Variants in PCDH9 observed in about 807,000 individuals in gnomAD.
PCDH9 encodes protocadherin-9.
In PCDH9, 24 loss-of-function variants were observed where a neutral mutation model predicts 70.6. The observed-to-expected ratio is 0.34, with a 90% CI of 0.25 to 0.48. The LOEUF (loss-of-function observed/expected upper bound fraction) is 0.48. Among genes scored for constraint, PCDH9 ranks in the 20% least tolerant of loss-of-function variants. The pLI is 0.99. For synonymous variants in PCDH9, 562 were observed against 558.5 expected, an observed-to-expected ratio of 1.01 and a Z score of -0.09; for missense variants, 1,281 against 1,503.6, an observed-to-expected ratio of 0.85 and a Z score of 2.45.
intron 2 of PCDH9, among the ~76,000 whole-genome samples, chr13:66,964,945 C>A (rs1196418689): frequency 6.6e-6 from 1 of 151,690 alleles, no homozygotes; most frequent in East Asian, 1.9e-4. Flanking sequence ...TATATATATT[C>A]ATTTACTAGA....
intron 4 of PCDH9, among the ~76,000 whole-genome samples, chr13:66,358,547 A>G (rs1394260530): frequency 6.6e-6 from 1 of 151,976 alleles, no homozygotes; most frequent in Non-Finnish European, 1.5e-5. Context: ...TCATCTACGG[A>G]AAACTTTTTT....
At chr13:67,067,932 T>C (rs2085683164) in intron 2 of PCDH9, among the ~76,000 whole-genome samples, 1 of 152,188 alleles carries the variant, frequency 6.6e-6, no homozygotes. Flanking sequence ...TCAAAGTTCA[T>C]AATTCTTTAT....
At chr13:66,578,627 T>C (rs893049940) in intron 4 of PCDH9, among the ~76,000 whole-genome samples, 2 of 152,068 alleles carry the variant, frequency 1.3e-5, no homozygotes, top group Non-Finnish European at 2.9e-5. Context: ...AGAACAAATG[T>C]ACAGCACTAG....
chr13:66,404,012 T>C (rs988364002), intron 4 of PCDH9, among the ~76,000 whole-genome samples: 1 of 152,180 alleles, frequency 6.6e-6, no homozygotes, highest in Non-Finnish European at 1.5e-5. Context: ...TACTGAAATG[T>C]CTGCAACACG....
At chr13:66,805,748 T>C (rs1298336147) in intron 3 of PCDH9, among the ~76,000 whole-genome samples, 1 of 152,206 alleles carries the variant, frequency 6.6e-6, no homozygotes, top group Non-Finnish European at 1.5e-5. Context: ...TACTATTTCT[T>C]TCTTATTTAT....
chr13:66,558,382 C>T (rs1961840634), intron 4 of PCDH9, among the ~76,000 whole-genome samples: 1 of 151,778 alleles, frequency 6.6e-6, no homozygotes, highest in African/African-American at 2.4e-5. Flanking sequence ...GGGTTCTGTC[C>T]TGTGCTGTCT....
chr13:66,999,634 A>T (rs1488312513), intron 2 of PCDH9, among the ~76,000 whole-genome samples: 1 of 151,914 alleles, frequency 6.6e-6, no homozygotes, highest in East Asian at 1.9e-4. Flanking sequence ...ACAAATTTAC[A>T]AGAAAAAAAC....
At chr13:66,565,311 G>A (rs2076637636) in intron 4 of PCDH9, among the ~76,000 whole-genome samples, 1 of 152,164 alleles carries the variant, frequency 6.6e-6, no homozygotes, top group Non-Finnish European at 1.5e-5. Flanking sequence ...CAACTTAAGT[G>A]CAGAAGAATA....
intron 3 of PCDH9, among the ~76,000 whole-genome samples, chr13:66,653,279 C>T (rs536405717): frequency 6.6e-6 from 1 of 152,176 alleles, no homozygotes; most frequent in Non-Finnish European, 1.5e-5. Context: ...GCTTAACAAC[C>T]AGACTATATA....
intron 2 of PCDH9, among the ~76,000 whole-genome samples, chr13:66,907,415 T>C (rs1033433233): frequency 2.0e-5 from 3 of 152,286 alleles, no homozygotes; most frequent in Admixed American, 2.0e-4. Context: ...TCACTGAAAG[T>C]ACATTTGTTT....
intron 3 of PCDH9, among the ~76,000 whole-genome samples, chr13:66,679,149 G>A (rs2078283900): frequency 1.3e-5 from 2 of 151,368 alleles, no homozygotes; most frequent in Non-Finnish European, 3.0e-5. Flanking sequence ...TGCATTTCTT[G>A]TCAAACTCTT....
At chr13:67,086,965 A>C (rs2086119493) in intron 2 of PCDH9, among the ~76,000 whole-genome samples, 1 of 152,020 alleles carries the variant, frequency 6.6e-6, no homozygotes, top group African/African-American at 2.4e-5. Flanking sequence ...TTTTGCAGAG[A>C]ATAAAACTTT....
At position 67,182,733 on chromosome 13, in the gene PCDH9, A is replaced by G. The variant is rs1283878026; in HGVS notation, c.3036+42672T>C. Reference sequence around the variant, plus strand: ...GAAGCCATTGGGTGAAAGAAGTAGAATAGCGTTTACTAATTCTTCCTGGAA... The same window carrying G: ...GAAGCCATTGGGTGAAAGAAGTAGAGTAGCGTTTACTAATTCTTCCTGGAA... On this transcript the variant is annotated intron_variant, in intron 2 of 4. Transcript: ENST00000377865. Among the ~76,000 whole-genome samples, 4 of 152,190 alleles carry G rather than the reference A, an allele frequency of 2.6e-5. No individual in the cohort carries two copies. The East Asian group carries it at 7.8e-4, about 30-fold the overall frequency.
intron 3 of PCDH9, among the ~76,000 whole-genome samples, chr13:66,772,574 T>G (rs1004934635): frequency 8.5e-5 from 13 of 152,166 alleles, no homozygotes; most frequent in Non-Finnish European, 8.8e-5. Flanking sequence ...TTTTATTTTC[T>G]ATATTTTATA....
At chr13:67,120,949 CAT>C (rs1452423658) in intron 2 of PCDH9, among the ~76,000 whole-genome samples, 1 of 150,554 alleles carries the variant, frequency 6.6e-6, no homozygotes, top group Non-Finnish European at 1.5e-5. Context: ...AAACTAAAAA[CAT>C]TATTCTATTG....
At chr13:66,511,404 TA>T (rs1276278399) in intron 4 of PCDH9, among the ~76,000 whole-genome samples, 1 of 152,070 alleles carries the variant, frequency 6.6e-6, no homozygotes, top group East Asian at 1.9e-4. Context: ...AAATGTAGAT[TA>T]AAAAAATCAC....
intron 3 of PCDH9, among the ~76,000 whole-genome samples, chr13:66,807,408 T>C (rs1293112146): frequency 2.0e-5 from 3 of 152,284 alleles, no homozygotes; most frequent in Admixed American, 6.5e-5. Flanking sequence ...CAAACTCCGG[T>C]CCATCTCCTT....
chr13:66,584,897 C>T (rs2076942241), intron 4 of PCDH9, among the ~76,000 whole-genome samples: 3 of 151,444 alleles, frequency 2.0e-5, no homozygotes, highest in Admixed American at 2.0e-4. Flanking sequence ...AAGAACAGTG[C>T]GAAAAGAAGG....
intron 3 of PCDH9, among the ~76,000 whole-genome samples, chr13:66,842,080 T>C (rs974292211): frequency 6.6e-6 from 1 of 152,162 alleles, no homozygotes; most frequent in Non-Finnish European, 1.5e-5. Flanking sequence ...AATAGGAATA[T>C]TAGCATAGAC....
Sources: allele counts gnomAD v4.1 joint callset (sites outside exome capture counted in the v4.1 genomes callset), GRCh38; gene constraint gnomAD v4.1.1; transcripts MANE v1.5; gene names NCBI Gene and HGNC (gene_info 2026-07-23, HGNC 2026-07-21).